ROR1: variants seen among roughly 807,000 people sequenced by gnomAD.
ROR1 encodes ROR family WNT receptor 1.
In ROR1, 19 loss-of-function variants were observed where a neutral mutation model predicts 78.8. The ratio of observed to expected loss-of-function variants is 0.24; its 90% CI spans 0.17 to 0.35. The LOEUF (loss-of-function observed/expected upper bound fraction) is 0.35. Ranked by LOEUF, ROR1 falls within the 10% of genes least tolerant of loss-of-function variation. The pLI, the probability that ROR1 is intolerant of heterozygous loss-of-function variation, is 1.00. For synonymous variants in ROR1, 386 were observed against 433.6 expected (o/e 0.89, Z 1.36); for missense variants, 917 against 1,177.8 (o/e 0.78, Z 3.24).
chr1:63,999,292 G>A (rs1379839527), intron 1 of ROR1, among the ~76,000 whole-genome samples: 2 of 152,212 alleles, frequency 1.3e-5, no homozygotes, highest in African/African-American at 4.8e-5. Context: ...TATGAAGATC[G>A]GAGTCTTTCT....
chr1:64,041,312 C>T (rs1433191027), intron 2 of ROR1, among the ~76,000 whole-genome samples: 1 of 152,112 alleles, frequency 6.6e-6, no homozygotes, highest in African/African-American at 2.4e-5. Flanking sequence ...ATACCTGAGA[C>T]ATAAAACAAT....
chr1:63,987,965 C>T (rs1469786124), intron 1 of ROR1, among the ~76,000 whole-genome samples: 14 of 152,144 alleles, frequency 9.2e-5, no homozygotes, highest in African/African-American at 4.8e-5. Context: ...GAAATACAGT[C>T]TATTTACATT....
intron 7 of ROR1, among the ~76,000 whole-genome samples, chr1:64,151,428 T>C (rs933995458): frequency 6.6e-6 from 1 of 152,144 alleles, no homozygotes; most frequent in Non-Finnish European, 1.5e-5. Context: ...AGGTCAAAGG[T>C]ATCCATTGAC....
chr1:64,109,917 A>G (rs1302039615), intron 4 of ROR1, among the ~76,000 whole-genome samples: 1 of 152,078 alleles, frequency 6.6e-6, no homozygotes, highest in East Asian at 1.9e-4. Flanking sequence ...TGTCTTATTA[A>G]TTAGCCCTAC....
chr1:64,121,892 T>C (rs1648555388), intron 4 of ROR1, among the ~76,000 whole-genome samples: 1 of 152,186 alleles, frequency 6.6e-6, no homozygotes, highest in African/African-American at 2.4e-5. Context: ...CACCAGGTAG[T>C]AGACCTTATG....
chr1:63,993,839 AAC>A (rs1278072831), intron 1 of ROR1, among the ~76,000 whole-genome samples: 1 of 152,180 alleles, frequency 6.6e-6, no homozygotes, highest in Non-Finnish European at 1.5e-5. Flanking sequence ...AAAATGTTGT[AAC>A]AATATCATTT....
At chr1:63,929,086 A>G (rs1015731023) in intron 1 of ROR1, among the ~76,000 whole-genome samples, 1 of 152,216 alleles carries the variant, frequency 6.6e-6, no homozygotes. Flanking sequence ...TTCCTGCCTC[A>G]GGGATATGGG....
At chr1:63,796,672 T>C (rs1170192582) in intron 1 of ROR1, among the ~76,000 whole-genome samples, 1 of 152,174 alleles carries the variant, frequency 6.6e-6, no homozygotes, top group Non-Finnish European at 1.5e-5. Flanking sequence ...GCACAAGCAG[T>C]CGTACATTCA....
At chr1:64,013,720 AGTGC>A (rs1261057065) in intron 2 of ROR1, among the ~76,000 whole-genome samples, 1 of 152,228 alleles carries the variant, frequency 6.6e-6, no homozygotes, top group Non-Finnish European at 1.5e-5. Flanking sequence ...TGACATCAAC[AGTGC>A]TCCAAATTAT....
chr1:64,137,047 A>G (rs1222632000), intron 4 of ROR1, among the ~76,000 whole-genome samples: 1 of 152,168 alleles, frequency 6.6e-6, no homozygotes, highest in Non-Finnish European at 1.5e-5. Context: ...ATGTGCCCAG[A>G]TTTCCAACTC....
At chr1:63,784,211 A>C (rs955755444) in intron 1 of ROR1, among the ~76,000 whole-genome samples, 5 of 152,142 alleles carry the variant, frequency 3.3e-5, no homozygotes, top group African/African-American at 1.2e-4. Flanking sequence ...AATAGGATTT[A>C]TTTCTCTCTT....
At chr1:63,804,465 A>T (rs774588487) in intron 1 of ROR1, among the ~76,000 whole-genome samples, 41 of 152,164 alleles carry the variant, frequency 2.7e-4, no homozygotes, top group Non-Finnish European at 4.3e-4. Flanking sequence ...ACTTATTTCA[A>T]ATTAAATAAA....
intron 1 of ROR1, among the ~76,000 whole-genome samples, chr1:63,812,574 A>G (rs2100271650): frequency 6.6e-6 from 1 of 152,334 alleles, no homozygotes; most frequent in Admixed American, 6.5e-5. Flanking sequence ...TTTGTTGGAT[A>G]TGTAATTTGA....
At chr1:64,142,979 A>G in intron 7 of ROR1, 1 of 1,114,558 alleles carries the variant, frequency 9.0e-7, no homozygotes, top group Non-Finnish European at 1.1e-6. Context: ...GTCTGCGTCC[A>G]AGTGGACCTT....
At chr1:63,877,824 C>T (rs886179417) in intron 1 of ROR1, among the ~76,000 whole-genome samples, 6 of 152,056 alleles carry the variant, frequency 3.9e-5, no homozygotes, top group African/African-American at 1.4e-4. Flanking sequence ...AGACTGGTCC[C>T]ATTTGATGTA....
intron 2 of ROR1, among the ~76,000 whole-genome samples, chr1:64,020,642 T>A (rs1268652111): frequency 6.6e-6 from 1 of 152,172 alleles, no homozygotes; most frequent in Non-Finnish European, 1.5e-5. Flanking sequence ...AGAGGTCAGC[T>A]CTTCATTCCC....
chr1:63,932,051 C>T (rs997719391), intron 1 of ROR1, among the ~76,000 whole-genome samples: 23 of 152,140 alleles, frequency 1.5e-4, no homozygotes, highest in African/African-American at 4.8e-4. Context: ...GCCTACCTTA[C>T]ATGCTTGCAG....
At chr1:64,082,124 T>C (rs1276008345) in intron 4 of ROR1, among the ~76,000 whole-genome samples, 1 of 152,072 alleles carries the variant, frequency 6.6e-6, no homozygotes, top group Non-Finnish European at 1.5e-5. Context: ...TCACCTAGGA[T>C]GAGCCTGTAG....
In ROR1 at chr1:64,140,240, T is replaced by C; in HGVS notation, c.742T>C (p.Cys248Arg). Residue 248 changes from cysteine (C) to arginine (R), a missense_variant, in exon 6 of 9, where the codon TGT (cysteine) becomes CGT (arginine). Coordinates refer to ENST00000371079, the MANE Select transcript of ROR1 (RefSeq NM_005012.4). ...ATCCGTCCCAAAGCCCCGTGACTTG[T>C]GTCGCGATGAATGTGAAATCCTGGA... ...TSSVPKPRDL[C>R]RDECEILENV... The C allele has an allele frequency of 6.2e-7, 1 of 1,614,146 alleles. No individual in the cohort carries two copies. The highest frequency in any genetic ancestry group is 8.5e-7 in the Non-Finnish European group (1 of 1,180,014).
Sources: allele counts gnomAD v4.1 joint callset (sites outside exome capture counted in the v4.1 genomes callset), GRCh38; gene constraint gnomAD v4.1.1; transcripts MANE v1.5; gene names NCBI Gene and HGNC (gene_info 2026-07-23, HGNC 2026-07-21).